The following STK4 variants were observed in gnomAD, a reference collection of about 807,000 sequenced individuals.
STK4 encodes serine/threonine-protein kinase 4.
STK4 carries 30 observed loss-of-function variants against 64.9 expected under a neutral mutation model. That is an observed-to-expected ratio of 0.46 (90% CI 0.35 to 0.63). The LOEUF is 0.63. Among genes scored for constraint, STK4 ranks in the 20% least tolerant of loss-of-function variants. The pLI, the probability that STK4 is intolerant of heterozygous loss-of-function variation, is 0.01. For synonymous variants in STK4, 177 were observed against 199.0 expected, an observed-to-expected ratio of 0.89 and a Z score of 0.93; for missense variants, 466 against 598.5, an observed-to-expected ratio of 0.78 and a Z score of 2.31.
At chr20:45,029,783 T>C (rs2068412651) in intron 10 of STK4, among the ~76,000 whole-genome samples, 1 of 152,238 alleles carries the variant, frequency 6.6e-6, no homozygotes, top group African/African-American at 2.4e-5. Flanking sequence ...AAAGTTGTTC[T>C]AAAAGGTTTT....
chr20:44,980,644 A>G (rs900292501), intron 3 of STK4, among the ~76,000 whole-genome samples: 2 of 152,196 alleles, frequency 1.3e-5, no homozygotes, highest in African/African-American at 4.8e-5. Context: ...AAAGAAAATC[A>G]CTTTTCCCTT....
intron 10 of STK4, among the ~76,000 whole-genome samples, chr20:45,039,139 A>C (rs578030805): frequency 3.3e-5 from 5 of 152,256 alleles, no homozygotes; most frequent in Non-Finnish European, 5.9e-5. Context: ...TGTAGAATAT[A>C]AAACTAAATT....
chr20:44,977,073 G>A (rs1409329947), intron 2 of STK4, among the ~76,000 whole-genome samples: 1 of 152,156 alleles, frequency 6.6e-6, no homozygotes, highest in African/African-American at 2.4e-5. Flanking sequence ...GAGTGGCTTG[G>A]ACTACCATGG....
intron 9 of STK4, among the ~76,000 whole-genome samples, chr20:45,014,553 T>A (rs908601756): frequency 3.3e-5 from 5 of 152,214 alleles, no homozygotes; most frequent in Non-Finnish European, 7.3e-5. Context: ...ATTTTTTTTT[T>A]AGTGGCAAAG....
At chr20:45,053,063 G>T (rs747396341) in intron 10 of STK4, 1 of 1,551,118 alleles carries the variant, frequency 6.4e-7, no homozygotes, top group Non-Finnish European at 8.9e-7. Flanking sequence ...AATATAATGA[G>T]ATTTTGTGCT....
At chr20:45,052,699 C>G (rs563352515) in intron 10 of STK4, among the ~76,000 whole-genome samples, 1 of 152,314 alleles carries the variant, frequency 6.6e-6, no homozygotes, top group Non-Finnish European at 1.5e-5. Flanking sequence ...TAACCATCAG[C>G]ACCTGCGCTC....
rs545102236 is a variant in STK4, at chr20:45,059,585, G to A, written c.1306-15433G>A. 2.6e-5 allele frequency among the ~76,000 whole-genome samples: 4 copies of A among 152,130 alleles called. No homozygotes were observed. The South Asian group carries it at 8.3e-4, about 32-fold the overall frequency. On this transcript the variant is annotated intron_variant, in intron 10 of 10. Coordinates refer to ENST00000372806, the MANE Select transcript of STK4 (RefSeq NM_006282.5). ...AAGCGGGATAGAGCAGGACAGCGCA[G>A]GATTTCATCATGCGTCTCAGAATGG...
intron 9 of STK4, among the ~76,000 whole-genome samples, chr20:45,018,924 G>T (rs1355028813): frequency 6.6e-6 from 1 of 151,918 alleles, no homozygotes; most frequent in Non-Finnish European, 1.5e-5. Context: ...TAGAGACAGG[G>T]TCTCACTATG....
intron 5 of STK4, among the ~76,000 whole-genome samples, chr20:44,993,893 C>T (rs957785187): frequency 6.6e-6 from 1 of 151,698 alleles, no homozygotes; most frequent in African/African-American, 2.4e-5. Flanking sequence ...TCAGGAGAGT[C>T]GCTTGAACCC....
chr20:44,985,267 C>T (rs980872570), intron 4 of STK4, among the ~76,000 whole-genome samples: 1 of 152,192 alleles, frequency 6.6e-6, no homozygotes, highest in African/African-American at 2.4e-5. Context: ...TCCTCTACCT[C>T]ATTTAGTTGT....
intron 10 of STK4, among the ~76,000 whole-genome samples, chr20:45,072,041 G>A (rs1487296197): frequency 6.6e-6 from 1 of 152,212 alleles, no homozygotes; most frequent in African/African-American, 2.4e-5. Flanking sequence ...TGGGATTCAG[G>A]CATGAGCTAC....
chr20:45,040,088 G>A (rs1346333439), intron 10 of STK4, among the ~76,000 whole-genome samples: 1 of 138,094 alleles, frequency 7.2e-6, no homozygotes, highest in African/African-American at 2.7e-5. Flanking sequence ...TAGGTGGTAT[G>A]TATACTTCCA....
At chr20:45,010,787 T>A (rs2068030840) in intron 9 of STK4, among the ~76,000 whole-genome samples, 1 of 152,222 alleles carries the variant, frequency 6.6e-6, no homozygotes, top group Admixed American at 6.5e-5. Context: ...TACTTCTCCT[T>A]GCTGGTTATT....
intron 2 of STK4, among the ~76,000 whole-genome samples, chr20:44,977,655 A>G (rs1425461226): frequency 3.3e-5 from 5 of 152,162 alleles, no homozygotes; most frequent in African/African-American, 9.7e-5. Context: ...TGTTGGTAGG[A>G]CTCAAATCCA....
At chr20:45,045,022 A>G (rs2068671275) in intron 10 of STK4, among the ~76,000 whole-genome samples, 1 of 152,224 alleles carries the variant, frequency 6.6e-6, no homozygotes, top group African/African-American at 2.4e-5. Context: ...TTCATTGTGT[A>G]TTAAGTATTA....
chr20:45,037,862 G>T lies in STK4; in HGVS notation c.1305+12732G>T, dbSNP rs541958660. Among the ~76,000 whole-genome samples, 6 of 152,234 alleles carry T rather than the reference G, an allele frequency of 3.9e-5. 1 individual carries two copies. In the South Asian group the frequency reaches 8.3e-4, roughly 21 times the overall value. ...TGCACATGTTAGAAATCAGACACTT[G>T]CTGGGAGGCAAGAATTATTACTACC... On this transcript the variant is annotated intron_variant, in intron 10 of 10. Transcript: ENST00000372806.
chr20:45,014,832 C>A (rs2068113119), intron 9 of STK4, among the ~76,000 whole-genome samples: 1 of 152,150 alleles, frequency 6.6e-6, no homozygotes, highest in South Asian at 2.1e-4. Flanking sequence ...CTTAATAGGT[C>A]AATGGGAGGC....
In STK4 at chr20:45,077,124, TC is replaced by T. The variant is rs1298391021; in HGVS notation, c.*1949del. On this transcript the variant is annotated 3_prime_UTR_variant, in exon 11 of 11. Transcript: ENST00000372806. ...CAGAGAGAAAGATTCCTTCCCAAGG[TC>T]ATGCAGCTAGTAAATGATAGAATCA... The T allele has an allele frequency of 1.8e-4, 28 of 152,304 alleles. No homozygotes were observed. Among genetic ancestry groups the T allele is most frequent in the African/African-American group, 6.5e-4 (27 of 41,568 alleles). 9.4% of individuals were successfully genotyped at this position (152,304 alleles called of 1,614,324 possible). A position where few individuals can be genotyped will look rare whatever the true frequency, so the allele number is the denominator to read the frequency against.
chr20:44,988,565 ATATG>A (rs1156736894), intron 5 of STK4, among the ~76,000 whole-genome samples: 2 of 143,816 alleles, frequency 1.4e-5, no homozygotes, highest in East Asian at 2.0e-4. Context: ...ATATATATAT[ATATG>A]TATCCATTCC....
Sources: gnomAD v4.1 joint callset for allele counts (sites outside exome capture counted in the v4.1 genomes callset) on GRCh38, gnomAD v4.1.1 for gene constraint, MANE v1.5 for transcripts, NCBI Gene and HGNC (gene_info 2026-07-23, HGNC 2026-07-21) for gene names.